RALGAPA1: variants seen among roughly 807,000 people sequenced by gnomAD.
RALGAPA1 encodes the protein Ral GTPase activating protein catalytic subunit alpha 1, also known as ral GTPase-activating protein subunit alpha-1.
RALGAPA1 carries 52 observed loss-of-function variants against 269.6 expected under a neutral mutation model. The observed-to-expected ratio is 0.19, with a 90% CI of 0.15 to 0.24. RALGAPA1 has a LOEUF of 0.24. Among genes scored for constraint, RALGAPA1 ranks in the 10% least tolerant of loss-of-function variants. The probability of loss-of-function intolerance (pLI) is 1.00; values close to 1 mark genes in which losing one functional copy is unlikely to be tolerated. For synonymous variants in RALGAPA1, 817 were observed against 1,008.3 expected (o/e 0.81, Z 3.60); for missense variants, 1,917 against 3,013.9 (o/e 0.64, Z 8.52).
rs575355169 is a variant in RALGAPA1, at chr14:35,602,460, A to G, written c.7053+3126T>C. ...GTGTATGAGGGTTCAGATTGCTCCTAATCCTAGCCAACAGTTGTTATTACC... is the reference window on the plus strand; with the variant it reads ...GTGTATGAGGGTTCAGATTGCTCCTGATCCTAGCCAACAGTTGTTATTACC... On this transcript the variant is annotated intron_variant, in intron 36 of 41. Coordinates refer to ENST00000680220, the MANE Select transcript of RALGAPA1 (RefSeq NM_001346249.2). 5.9e-5 allele frequency among the ~76,000 whole-genome samples: 9 copies of G among 152,236 alleles called. No homozygotes were observed. In the South Asian group the frequency reaches 1.7e-3, roughly 28 times the overall value.
At chr14:35,799,767 T>C (rs1356354197) in intron 1 of RALGAPA1, among the ~76,000 whole-genome samples, 1 of 152,108 alleles carries the variant, frequency 6.6e-6, no homozygotes, top group African/African-American at 2.4e-5. Context: ...TCATGTTAAA[T>C]GTAACTATCC....
Position 35,700,289 on chromosome 14 carries a change from T to C in RALGAPA1, c.2280A>G (p.Arg760=). ...VRQKTVAMRS[R]SIGECALPSA... is the part of the protein sequence containing the mutation. ...ATGGCAGAGCACATTCACCAATGGA[T>C]CGGCTTCTCATGGCTTTAAAAAAGG... Residue 760 remains arginine, a synonymous_variant, in exon 17 of 42, where the codon CGA becomes CGG. Transcript: ENST00000680220. The C allele has an allele frequency of 6.6e-7, 1 of 1,524,688 alleles. No individual in the cohort carries two copies. The highest frequency in any genetic ancestry group is 8.7e-7 in the Non-Finnish European group (1 of 1,142,980). 94.4% of individuals were successfully genotyped at this position (1,524,688 alleles called of 1,614,324 possible).
chr14:35,623,342 CACACACAG>C (rs1222795160), intron 35 of RALGAPA1, among the ~76,000 whole-genome samples: 1 of 150,050 alleles, frequency 6.7e-6, no homozygotes, highest in Non-Finnish European at 1.5e-5. Flanking sequence ...CAGACATACA[CACACACAG>C]ACACACAGAC....
chr14:35,605,634 T>A lies in RALGAPA1; in HGVS notation c.7005A>T (p.Thr2335=), dbSNP rs45615938. The change falls in exon 36 of 42, where the codon ACA becomes ACT. Residue 2335 remains threonine, a synonymous_variant. Coordinates refer to ENST00000680220, the MANE Select transcript of RALGAPA1 (RefSeq NM_001346249.2). ...AATCTTCATATGCTTGACTTCCTCC[T>A]GTATTGGTGAGAATGGAGTGTTTGT... The part of the protein sequence containing the change: ...QEDKHSILTN[T]GGSQAYEDFV... 5 of 1,610,310 alleles carry A rather than the reference T, an allele frequency of 3.1e-6. No individual in the cohort carries two copies. Among genetic ancestry groups the A allele is most frequent in the Middle Eastern group, 1.7e-4 (1 of 6,056 alleles).
chr14:35,731,335 C>G (rs1055393027), intron 12 of RALGAPA1, among the ~76,000 whole-genome samples: 1 of 152,058 alleles, frequency 6.6e-6, no homozygotes, highest in Non-Finnish European at 1.5e-5. Context: ...CTCTTTAACA[C>G]CCCCAAGAAT....
chr14:35,550,659 C>T (rs1857453746), intron 39 of RALGAPA1, among the ~76,000 whole-genome samples: 1 of 152,106 alleles, frequency 6.6e-6, no homozygotes, highest in Admixed American at 6.6e-5. Context: ...ATGCACTTGA[C>T]TTTGATTGTG....
At chr14:35,553,455 T>C (rs1216762608) in intron 39 of RALGAPA1, among the ~76,000 whole-genome samples, 2 of 152,186 alleles carry the variant, frequency 1.3e-5, no homozygotes, top group Non-Finnish European at 1.5e-5. Context: ...AAAGGTAGAT[T>C]TGGTTTTAAA....
At chr14:35,792,854 A>G (rs1370365002) in intron 1 of RALGAPA1, among the ~76,000 whole-genome samples, 6 of 147,258 alleles carry the variant, frequency 4.1e-5, no homozygotes, top group Non-Finnish European at 8.9e-5. Flanking sequence ...ATAGATTGTG[A>G]CAAGGCCATG....
intron 12 of RALGAPA1, among the ~76,000 whole-genome samples, chr14:35,736,652 A>T (rs1385952980): frequency 2.0e-5 from 3 of 152,194 alleles, no homozygotes; most frequent in African/African-American, 7.2e-5. Flanking sequence ...GCTTCTGATA[A>T]ATCAAGCAGG....
chr14:35,629,680 T>C (rs1179484849), intron 33 of RALGAPA1, among the ~76,000 whole-genome samples: 1 of 152,086 alleles, frequency 6.6e-6, no homozygotes, highest in Non-Finnish European at 1.5e-5. Flanking sequence ...ATTGTATTTT[T>C]AGTAGAGACT....
chr14:35,618,394 G>T (rs1215128121), intron 35 of RALGAPA1, among the ~76,000 whole-genome samples: 1 of 152,112 alleles, frequency 6.6e-6, no homozygotes, highest in East Asian at 1.9e-4. Flanking sequence ...TTGAATAGAT[G>T]CTGAAAATAA....
Position 35,678,308 on chromosome 14 carries a change from T to C in RALGAPA1, c.4472-206A>G, listed in dbSNP as rs141050823. Among the ~76,000 whole-genome samples, 545 of 152,254 alleles carry C rather than the reference T, an allele frequency of 3.6e-3. 3 individuals are homozygous for C. The highest frequency in any genetic ancestry group is 0.012 in the African/African-American group (519 of 41,552). The stretch of plus-strand genomic sequence containing the variant: ...CTCATGTCTACCATGGGACTATTAA[T>C]AGTATAGAATCAAAACTGGATGTAC... On this transcript the variant is annotated intron_variant, in intron 21 of 41. Transcript: ENST00000680220.
intron 17 of RALGAPA1, among the ~76,000 whole-genome samples, chr14:35,697,206 T>C (rs1032182047): frequency 6.6e-6 from 1 of 152,238 alleles, no homozygotes; most frequent in African/African-American, 2.4e-5. Context: ...TGGTAGAAGA[T>C]TAATCCTGCT....
chr14:35,716,897 A>T (rs1348802561), intron 16 of RALGAPA1, among the ~76,000 whole-genome samples: 1 of 152,188 alleles, frequency 6.6e-6, no homozygotes, highest in East Asian at 1.9e-4. Context: ...AGGTCCCTCC[A>T]TTGTAAAGGT....
chr14:35,791,531 T>C (rs1462440621), intron 1 of RALGAPA1, among the ~76,000 whole-genome samples: 11 of 147,160 alleles, frequency 7.5e-5, no homozygotes, highest in African/African-American at 2.8e-4. Flanking sequence ...TGCTTGAACC[T>C]GGGAGGCGGA....
chr14:35,595,020 T>C (rs1294590858), intron 37 of RALGAPA1, among the ~76,000 whole-genome samples: 1 of 151,712 alleles, frequency 6.6e-6, no homozygotes, highest in African/African-American at 2.4e-5. Context: ...ACACTATGTG[T>C]CCTAAGTGAA....
rs746125628 is a variant in RALGAPA1, at chr14:35,690,012, G to GA, written c.2408-10dup. 332 of 1,514,902 alleles carry GA rather than the reference G, an allele frequency of 2.2e-4. No individual in the cohort carries two copies. Among genetic ancestry groups the GA allele is most frequent in the Non-Finnish European group, 2.6e-4 (291 of 1,135,998 alleles). 93.8% of individuals were successfully genotyped at this position (1,514,902 alleles called of 1,614,324 possible). ...TTGAGCATCATCAATATCTGTAAAA[G>GA]AAAAAAAAATTATGTAGAGAAGAAC... On this transcript the variant is annotated splice_polypyrimidine_tract_variant and intron_variant, in intron 17 of 41. Coordinates refer to ENST00000680220, the MANE Select transcript of RALGAPA1 (RefSeq NM_001346249.2).
chr14:35,786,421 C>T (rs1474172757), intron 1 of RALGAPA1, among the ~76,000 whole-genome samples: 1 of 152,026 alleles, frequency 6.6e-6, no homozygotes, highest in Non-Finnish European at 1.5e-5. Context: ...GGGCGGATCA[C>T]GAGGTCACGA....
At chr14:35,541,138 C>T (rs751701377) in intron 41 of RALGAPA1, among the ~76,000 whole-genome samples, 18 of 147,848 alleles carry the variant, frequency 1.2e-4, no homozygotes, top group Non-Finnish European at 2.5e-4. Flanking sequence ...CTCCACTGCC[C>T]GGGTTCAAGC....
Sources: gnomAD v4.1 joint callset for allele counts (sites outside exome capture counted in the v4.1 genomes callset) on GRCh38, gnomAD v4.1.1 for gene constraint, MANE v1.5 for transcripts, NCBI Gene and HGNC (gene_info 2026-07-23, HGNC 2026-07-21) for gene names.